Variants in RAP1GDS1 observed in about 807,000 individuals in gnomAD.
RAP1GDS1 encodes the protein Rap1 GTPase-GDP dissociation stimulator 1.
Under a neutral mutation model 71.1 loss-of-function variants are expected in RAP1GDS1, and 35 were observed. That is an observed-to-expected ratio of 0.49 (90% CI 0.38 to 0.65). RAP1GDS1 has a LOEUF of 0.65. Among genes scored for constraint, RAP1GDS1 ranks in the 30% least tolerant of loss-of-function variants. The pLI, the probability that RAP1GDS1 is intolerant of heterozygous loss-of-function variation, is 0.00. For missense variants in RAP1GDS1, 663 were observed against 706.1 expected (o/e 0.94, Z 0.69); for synonymous variants, 229 against 243.1 (o/e 0.94, Z 0.54).
At chr4:98,370,173 A>G (rs980350259) in intron 4 of RAP1GDS1, among the ~76,000 whole-genome samples, 10 of 152,202 alleles carry the variant, frequency 6.6e-5, no homozygotes, top group Non-Finnish European at 1.5e-4. Context: ...TGTATGAAAC[A>G]TAGTGAGCAT....
chr4:98,277,323 A>T (rs1291051760), intron 1 of RAP1GDS1, among the ~76,000 whole-genome samples: 2 of 152,174 alleles, frequency 1.3e-5, no homozygotes, highest in Admixed American at 1.3e-4. Context: ...ACATTTTTAA[A>T]AAGACACTAC....
intron 4 of RAP1GDS1, among the ~76,000 whole-genome samples, chr4:98,356,945 GTCTT>G (rs1346588542): frequency 1.3e-5 from 2 of 151,834 alleles, no homozygotes; most frequent in Non-Finnish European, 2.9e-5. Context: ...TTAATATAAA[GTCTT>G]TATTTTTATG....
chr4:98,269,122 C>G (rs1419498088), intron 1 of RAP1GDS1, among the ~76,000 whole-genome samples: 1 of 104,682 alleles, frequency 9.6e-6, no homozygotes, highest in African/African-American at 3.8e-5. Flanking sequence ...ATCAATGGAA[C>G]AGAATAGAGA....
rs543092747 is a variant in RAP1GDS1, at chr4:98,416,601, C to T, written c.764-144C>T. On this transcript the variant is annotated intron_variant, in intron 7 of 14. Coordinates refer to ENST00000408927, the MANE Select transcript of RAP1GDS1 (RefSeq NM_001100427.2). Reference sequence around the variant, plus strand: ...TCCTGACCTTGTGATCCGCCCATCTCGGCCTCCCAAAGTGCTGGGATTACA... The same window carrying T: ...TCCTGACCTTGTGATCCGCCCATCTTGGCCTCCCAAAGTGCTGGGATTACA... 3.9e-4 allele frequency: 234 copies of T among 596,946 alleles called. 4 individuals are homozygous for T. In the South Asian group the frequency reaches 6.0e-3, roughly 15 times the overall value. 37.0% of individuals were successfully genotyped at this position (596,946 alleles called of 1,614,324 possible).
intron 3 of RAP1GDS1, among the ~76,000 whole-genome samples, chr4:98,348,426 T>TA (rs1355705714): frequency 1.3e-5 from 2 of 152,210 alleles, no homozygotes; most frequent in African/African-American, 4.8e-5. Context: ...ACAGTAAACA[T>TA]ACGTGTGCAT....
chr4:98,340,301 T>C (rs1735310466), intron 2 of RAP1GDS1, among the ~76,000 whole-genome samples: 1 of 152,204 alleles, frequency 6.6e-6, no homozygotes, highest in African/African-American at 2.4e-5. Context: ...AAAGAAAATG[T>C]GGTATATATA....
chr4:98,415,083 T>G (rs969310060), intron 7 of RAP1GDS1, among the ~76,000 whole-genome samples: 2 of 152,152 alleles, frequency 1.3e-5, no homozygotes, highest in Non-Finnish European at 2.9e-5. Flanking sequence ...CCCAGGGTAT[T>G]ATTAATATTC....
chr4:98,360,406 C>T (rs1377831320), intron 4 of RAP1GDS1, among the ~76,000 whole-genome samples: 2 of 145,844 alleles, frequency 1.4e-5, no homozygotes, highest in Non-Finnish European at 3.0e-5. Context: ...TAGAACTTTC[C>T]TTTCCTCATT....
intron 2 of RAP1GDS1, among the ~76,000 whole-genome samples, chr4:98,304,341 CA>C (rs1408804157): frequency 6.6e-6 from 1 of 152,198 alleles, no homozygotes; most frequent in African/African-American, 2.4e-5. Context: ...TATTTCTCCA[CA>C]GCCTTGCCAG....
At chr4:98,262,503 C>T (rs910988932) in intron 1 of RAP1GDS1, among the ~76,000 whole-genome samples, 1 of 152,190 alleles carries the variant, frequency 6.6e-6, no homozygotes, top group South Asian at 2.1e-4. Flanking sequence ...CTGTTACATT[C>T]AGTAATCACA....
chr4:98,311,967 G>T (rs752502635), intron 2 of RAP1GDS1, among the ~76,000 whole-genome samples: 3 of 152,108 alleles, frequency 2.0e-5, no homozygotes, highest in Non-Finnish European at 4.4e-5. Flanking sequence ...AAACAATTAG[G>T]CAGGGGACAA....
intron 12 of RAP1GDS1, among the ~76,000 whole-genome samples, chr4:98,432,082 C>T (rs967387818): frequency 2.6e-5 from 4 of 152,080 alleles, no homozygotes; most frequent in Non-Finnish European, 5.9e-5. Flanking sequence ...TCCCTCCCCG[C>T]TCCCCCCATC....
Position 98,443,015 on chromosome 4 carries a change from A to ATTTTTTTTTTTTTTTTT in RAP1GDS1, c.*905_*921dup, listed in dbSNP as rs397994660. On this transcript the variant is annotated 3_prime_UTR_variant, in exon 15 of 15. Coordinates refer to ENST00000408927, the MANE Select transcript of RAP1GDS1 (RefSeq NM_001100427.2). ...TGAGTATAGTTCATTGAAGAATGGAATTTTTTTTTTTTTTTTTTTTTTTGC... is the reference window on the plus strand; with the variant it reads ...TGAGTATAGTTCATTGAAGAATGGAATTTTTTTTTTTTTTTTTTTTTTTTTTTTTTTTTTTTTTTTGC... The ATTTTTTTTTTTTTTTTT allele has an allele frequency of 1.7e-4, 23 of 138,324 alleles. No homozygotes were observed. Among genetic ancestry groups the ATTTTTTTTTTTTTTTTT allele is most frequent in the African/African-American group, 7.5e-4 (19 of 25,310 alleles). 8.6% of individuals were successfully genotyped at this position (138,324 alleles called of 1,614,324 possible).
intron 2 of RAP1GDS1, among the ~76,000 whole-genome samples, chr4:98,317,044 ATCTTT>A (rs903466026): frequency 3.3e-5 from 5 of 152,050 alleles, no homozygotes; most frequent in African/African-American, 1.2e-4. Context: ...TGTCATTATA[ATCTTT>A]TCTTTTCCTC....
At chr4:98,420,443 G>A (rs186874969) in intron 11 of RAP1GDS1, among the ~76,000 whole-genome samples, 7 of 151,768 alleles carry the variant, frequency 4.6e-5, no homozygotes, top group African/African-American at 1.5e-4. Flanking sequence ...TCAGCTCACC[G>A]CAACTTCCGC....
At chr4:98,280,584 C>G (rs1246766767) in intron 1 of RAP1GDS1, among the ~76,000 whole-genome samples, 1 of 152,102 alleles carries the variant, frequency 6.6e-6, no homozygotes, top group African/African-American at 2.4e-5. Context: ...ATGGTAGTTT[C>G]TTTTGCTTTG....
At chr4:98,267,091 T>G (rs1335449062) in intron 1 of RAP1GDS1, among the ~76,000 whole-genome samples, 1 of 152,210 alleles carries the variant, frequency 6.6e-6, no homozygotes, top group Non-Finnish European at 1.5e-5. Context: ...AAAGTTTAAT[T>G]TAAAATACAT....
At chr4:98,412,986 C>T (rs541765961) in intron 7 of RAP1GDS1, among the ~76,000 whole-genome samples, 21 of 152,068 alleles carry the variant, frequency 1.4e-4, no homozygotes, top group Non-Finnish European at 2.1e-4. Context: ...TGGCTGTGCA[C>T]GTATTATCTT....
chr4:98,273,209 C>T (rs1003753153), intron 1 of RAP1GDS1, among the ~76,000 whole-genome samples: 2 of 152,186 alleles, frequency 1.3e-5, no homozygotes, highest in Non-Finnish European at 2.9e-5. Context: ...GTTGTCTCCG[C>T]TGCTTTACGA....
Sources: allele counts gnomAD v4.1 joint callset (sites outside exome capture counted in the v4.1 genomes callset), GRCh38; gene constraint gnomAD v4.1.1; transcripts MANE v1.5; gene names NCBI Gene and HGNC (gene_info 2026-07-23, HGNC 2026-07-21).